Variants in RAB30 observed in about 807,000 individuals in gnomAD.
RAB30 encodes the protein ras-related protein Rab-30.
Under a neutral mutation model 25.1 loss-of-function variants are expected in RAB30, and 9 were observed. That is an observed-to-expected ratio of 0.36 (90% CI 0.22 to 0.63). The LOEUF is 0.63. RAB30 is among the 20% of genes least tolerant of loss of function. The probability of loss-of-function intolerance (pLI) is 0.69; values close to 1 mark genes in which losing one functional copy is unlikely to be tolerated. For synonymous variants in RAB30, 77 were observed against 86.4 expected (o/e 0.89, Z 0.60); for missense variants, 140 against 243.5 (o/e 0.58, Z 2.83).
chr11:83,040,365 G>T (rs1204629501), intron 1 of RAB30, among the ~76,000 whole-genome samples: 3 of 152,016 alleles, frequency 2.0e-5, no homozygotes, highest in East Asian at 3.9e-4. Flanking sequence ...GAGTTGGGTG[G>T]ATCACCTGAT....
intron 1 of RAB30, among the ~76,000 whole-genome samples, chr11:83,043,160 C>A (rs78847803): frequency 1.5e-3 from 227 of 152,250 alleles, no homozygotes; most frequent in Non-Finnish European, 3.0e-3. Flanking sequence ...GTGCCAATTC[C>A]AAGCCTAGGC....
chr11:83,051,232 G>A (rs1858351118), intron 1 of RAB30, among the ~76,000 whole-genome samples: 1 of 152,156 alleles, frequency 6.6e-6, no homozygotes, highest in Non-Finnish European at 1.5e-5. Flanking sequence ...GAGCCTGGGT[G>A]CCCGAAACAT....
intron 1 of RAB30, chr11:83,034,357 C>A (rs957587173): frequency 3.3e-5 from 5 of 152,312 alleles, no homozygotes; most frequent in African/African-American, 1.2e-4. Context: ...GGCCTGCCAG[C>A]CCCTCCCCCT....
At chr11:83,045,885 A>G (rs1437477833) in intron 1 of RAB30, among the ~76,000 whole-genome samples, 1 of 152,186 alleles carries the variant, frequency 6.6e-6, no homozygotes, top group Non-Finnish European at 1.5e-5. Context: ...AGTAATTTAA[A>G]ATCTCTGGGT....
intron 3 of RAB30, 116 bp from the exon 4 acceptor site, chr11:82,987,886 T>A: frequency 7.5e-6 from 2 of 265,580 alleles, no homozygotes; most frequent in Non-Finnish European, 1.3e-5. Flanking sequence ...CCAAACAATT[T>A]CATGGTTATT....
chr11:82,989,604 C>A (rs1275691645), intron 3 of RAB30, among the ~76,000 whole-genome samples: 2 of 152,194 alleles, frequency 1.3e-5, no homozygotes, highest in East Asian at 3.8e-4. Flanking sequence ...TGCACTGAGC[C>A]CCTAAAACAC....
chr11:83,021,567 C>T (rs553070234), intron 1 of RAB30, among the ~76,000 whole-genome samples: 39 of 152,362 alleles, frequency 2.6e-4, no homozygotes, highest in African/African-American at 8.9e-4. Context: ...TGTGCAGAGG[C>T]CAGACTCCAT....
intron 3 of RAB30, among the ~76,000 whole-genome samples, chr11:82,991,637 G>C (rs1056507607): frequency 6.6e-6 from 1 of 151,530 alleles, no homozygotes; most frequent in Non-Finnish European, 1.5e-5. Context: ...TCATGTGGTT[G>C]AAGAGGGCCA....
intron 4 of RAB30, among the ~76,000 whole-genome samples, chr11:82,983,836 T>C (rs1353027141): frequency 2.0e-5 from 3 of 152,196 alleles, no homozygotes; most frequent in Non-Finnish European, 4.4e-5. Flanking sequence ...GAAACAATCT[T>C]GAACTGTTTC....
In RAB30 at chr11:82,982,256, G is replaced by T; in HGVS notation, c.521C>A (p.Ala174Asp). 6.2e-7 allele frequency: 1 copy of T among 1,614,222 alleles called. No homozygotes were observed. The highest frequency in any genetic ancestry group is 8.5e-7 in the Non-Finnish European group (1 of 1,180,036). ...LDLACRLISE[A>D]RQNTLVNNVS... ...ATTGTTCACAAGTGTGTTCTGTCTG[G>T]CTTCACTGATGAGTCGGCATGCTAA... Residue 174 changes from alanine to aspartate, a missense_variant, in exon 5 of 5, where the codon GCC (alanine) becomes GAC (aspartate). Transcript: ENST00000527633.
chr11:83,052,698 T>C (rs1156799278), intron 1 of RAB30, among the ~76,000 whole-genome samples: 1 of 152,188 alleles, frequency 6.6e-6, no homozygotes, highest in Non-Finnish European at 1.5e-5. Flanking sequence ...TGTCTTAATC[T>C]TATAGTTCAA....
chr11:83,045,223 TAG>T (rs1858209171), intron 1 of RAB30, among the ~76,000 whole-genome samples: 1 of 151,444 alleles, frequency 6.6e-6, no homozygotes, highest in African/African-American at 2.4e-5. Flanking sequence ...TTTTTTTTTA[TAG>T]AGACGAGGTC....
rs78294331 is a variant in RAB30, at chr11:82,989,172, TTAAC to T, written c.178-1406_178-1403del. Among the ~76,000 whole-genome samples the T allele has an allele frequency of 9.3e-4, 142 of 152,326 alleles. 3 individuals carry two copies. The East Asian group carries it at 0.026, about 28-fold the overall frequency. ...TCCCCGTATTAATGGAAACTGTCCC[TTAAC>T]TAACTGGTTATTCACAAAGCTAGGA... On this transcript the variant is annotated intron_variant, in intron 3 of 4. Transcript: ENST00000527633.
intron 3 of RAB30, among the ~76,000 whole-genome samples, chr11:82,989,918 TATATAAAGATGAATAAAACACAGGGAGG>T (rs1297242829): frequency 6.6e-6 from 1 of 152,122 alleles, no homozygotes; most frequent in African/African-American, 2.4e-5. Flanking sequence ...GCACATGGAG[TATATAAAGATGAATAAAACACAGGGAGG>T]ATATAAAGAT....
At chr11:83,012,068 A>C (rs1243394084) in intron 1 of RAB30, among the ~76,000 whole-genome samples, 1 of 152,130 alleles carries the variant, frequency 6.6e-6, no homozygotes, top group Non-Finnish European at 1.5e-5. Context: ...TTTTCAAACA[A>C]AAGAGTCCCT....
intron 3 of RAB30, among the ~76,000 whole-genome samples, chr11:82,992,555 A>G (rs1856873957): frequency 6.6e-6 from 1 of 152,188 alleles, no homozygotes; most frequent in East Asian, 1.9e-4. Flanking sequence ...GAGAGCATGT[A>G]CGTATGGGAG....
chr11:83,027,106 G>A (rs76763308), intron 1 of RAB30, among the ~76,000 whole-genome samples: 4,445 of 152,214 alleles, frequency 0.029, 191 homozygotes, highest in African/African-American at 0.093. Flanking sequence ...TCTCTGGGGA[G>A]CACAAAACAG....
chr11:83,026,528 G>A (rs1857719648), intron 1 of RAB30, among the ~76,000 whole-genome samples: 1 of 152,166 alleles, frequency 6.6e-6, no homozygotes, highest in South Asian at 2.1e-4. Flanking sequence ...GTCACCTTCT[G>A]TCATGACTGT....
At chr11:83,004,229 G>C (rs918922517) in intron 1 of RAB30, among the ~76,000 whole-genome samples, 2 of 152,156 alleles carry the variant, frequency 1.3e-5, no homozygotes, top group African/African-American at 4.8e-5. Flanking sequence ...AGGGTTGCCA[G>C]ATATAGTTTT....
Sources: allele counts gnomAD v4.1 joint callset (sites outside exome capture counted in the v4.1 genomes callset), GRCh38; gene constraint gnomAD v4.1.1; transcripts MANE v1.5; gene names NCBI Gene and HGNC (gene_info 2026-07-23, HGNC 2026-07-21).